Variants in PCDHA6 observed in about 807,000 individuals in gnomAD.
PCDHA6 encodes protocadherin alpha 6, also known as protocadherin alpha-6.
A neutral mutation model predicts 60.3 loss-of-function variants in PCDHA6; 55 were observed. The observed-to-expected ratio is 0.91, with a 90% CI of 0.73 to 1.14. The LOEUF is 1.14. Among genes scored for constraint, PCDHA6 ranks in the 50% most tolerant of loss-of-function variants. PCDHA6 has a pLI of 0.00. For synonymous variants in PCDHA6, 652 were observed against 557.9 expected, an observed-to-expected ratio of 1.17 and a Z score of -2.38; for missense variants, 1,327 against 1,256.5, an observed-to-expected ratio of 1.06 and a Z score of -0.85.
Position 140,842,669 on chromosome 5 carries a change from G to A in PCDHA6, c.2394+12184G>A, listed in dbSNP as rs1554139258. 2.5e-6 allele frequency: 4 copies of A among 1,595,384 alleles called. No homozygotes were observed. The highest frequency in any genetic ancestry group is 3.4e-5 in the Admixed American group (2 of 59,244). ...GTCTGTGGAGGTGGCCGACGTGAAC[G>A]ACAATGCTCCGGCGTTCGCGCAGCC... On this transcript the variant is annotated intron_variant, in intron 1 of 3. Transcript: ENST00000529310.
chr5:140,853,979 T>A, intron 1 of PCDHA6: 2 of 564,826 alleles, frequency 3.5e-6, no homozygotes, highest in Non-Finnish European at 4.6e-6. Flanking sequence ...TTGAGACCAA[T>A]GTAGTGAGAC....
intron 1 of PCDHA6, among the ~76,000 whole-genome samples, chr5:140,960,521 A>C (rs950989969): frequency 9.9e-5 from 15 of 152,162 alleles, no homozygotes; most frequent in Non-Finnish European, 1.5e-5. Context: ...CATAATGGGT[A>C]TAGGAAAGAG....
At chr5:140,840,962 C>T (rs188711112) in intron 1 of PCDHA6, among the ~76,000 whole-genome samples, 3 of 152,096 alleles carry the variant, frequency 2.0e-5, no homozygotes, top group African/African-American at 7.2e-5. Flanking sequence ...AAATTCCTTT[C>T]CTTATGAAGA....
Position 140,841,121 on chromosome 5 carries a change from A to T in PCDHA6, c.2394+10636A>T, listed in dbSNP as rs1777036212. The T allele has an allele frequency of 1.1e-5, 7 of 638,568 alleles. No individual in the cohort carries two copies. In the African/African-American group the frequency reaches 1.3e-4, roughly 12 times the overall value. 39.6% of individuals were successfully genotyped at this position (638,568 alleles called of 1,614,324 possible). A position where few individuals can be genotyped will look rare whatever the true frequency, so the allele number is the denominator to read the frequency against. The stretch of plus-strand genomic sequence containing the variant: ...TATTGCGGAAGTAATTCATGTAATC[A>T]TTACCTTTTGAAGCCACATGATGTC... On this transcript the variant is annotated intron_variant, in intron 1 of 3. Transcript: ENST00000529310.
At chr5:140,882,488 C>T in intron 1 of PCDHA6, 6 of 1,614,074 alleles carry the variant, frequency 3.7e-6, no homozygotes, top group South Asian at 1.1e-5. Context: ...ACACGGGGAC[C>T]TTCTGGAGGT....
chr5:140,902,488 G>T (rs1357036471), intron 1 of PCDHA6, among the ~76,000 whole-genome samples: 2 of 152,096 alleles, frequency 1.3e-5, no homozygotes, highest in African/African-American at 4.8e-5. Context: ...TGCTCAGTAT[G>T]ATACTAGCTG....
rs2150175434 is a variant in PCDHA6, at chr5:140,829,821, T to C, written c.1730T>C (p.Val577Ala). 2 of 1,613,858 alleles carry C rather than the reference T, an allele frequency of 1.2e-6. No homozygotes were observed. Among genetic ancestry groups the C allele is most frequent in the South Asian group, 2.2e-5 (2 of 91,074 alleles). Residue 577 changes from valine to alanine, a missense_variant, in exon 1 of 4, where the codon GTG (valine) becomes GCG (alanine). By Grantham distance (64) the Val-to-Ala change is moderately conservative (BLOSUM62 0). Transcript: ENST00000529310. ...APRVGGTGGA[V>A]SELVPRSLGA... ...CGGGTGGGTGGTACTGGTGGTGCAG[T>C]GAGCGAGCTGGTGCCGCGGTCACTG...
chr5:140,997,132 C>A (rs1189394609), intron 3 of PCDHA6, among the ~76,000 whole-genome samples: 1 of 152,076 alleles, frequency 6.6e-6, no homozygotes, highest in Non-Finnish European at 1.5e-5. Flanking sequence ...CACAATGCCC[C>A]CACACCCCCG....
At chr5:140,872,134 A>C (rs938546166) in intron 1 of PCDHA6, among the ~76,000 whole-genome samples, 1 of 152,112 alleles carries the variant, frequency 6.6e-6, no homozygotes, top group Non-Finnish European at 1.5e-5. Context: ...CAAAGCTAGA[A>C]TACTCCATTA....
chr5:140,930,092 A>G (rs1554207604), intron 1 of PCDHA6: 1 of 152,204 alleles, frequency 6.6e-6, no homozygotes, highest in East Asian at 1.9e-4. Context: ...ACATCTATTT[A>G]TACTGATAGG....
intron 3 of PCDHA6, among the ~76,000 whole-genome samples, chr5:140,999,859 C>T (rs2153959609): frequency 6.6e-6 from 1 of 152,256 alleles, no homozygotes; most frequent in South Asian, 2.1e-4. Context: ...TCTTCCGCTC[C>T]AAGATTACTG....
intron 1 of PCDHA6, chr5:140,875,985 G>C (rs1351463699): frequency 1.8e-5 from 29 of 1,613,832 alleles, no homozygotes; most frequent in Non-Finnish European, 2.3e-5. Context: ...TGACCTATGC[G>C]TTAAGTCTAA....
chr5:140,848,322 C>T, intron 1 of PCDHA6: 1 of 771,738 alleles, frequency 1.3e-6, no homozygotes, highest in Non-Finnish European at 2.1e-6. Flanking sequence ...CCGCGATGTT[C>T]TCTCTGAATC....
intron 1 of PCDHA6, among the ~76,000 whole-genome samples, chr5:140,889,104 T>C (rs2062103050): frequency 6.6e-6 from 1 of 151,956 alleles, no homozygotes; most frequent in Admixed American, 6.6e-5. Flanking sequence ...TTTTTCATCT[T>C]TATTCCAGGT....
intron 1 of PCDHA6, chr5:140,930,423 A>C (rs1366004853): frequency 6.6e-6 from 1 of 151,862 alleles, no homozygotes; most frequent in Non-Finnish European, 1.5e-5. Flanking sequence ...GGGTCTCACT[A>C]TGTTGCCCAG....
At position 140,829,534 on chromosome 5, in the gene PCDHA6, C is replaced by T. The variant is rs550072556; in HGVS notation, c.1443C>T (p.Asp481=). The T allele has an allele frequency of 6.2e-7, 1 of 1,613,076 alleles. No homozygotes were observed. Among genetic ancestry groups the T allele is most frequent in the Non-Finnish European group, 8.5e-7 (1 of 1,179,884 alleles). The change falls in exon 1 of 4, where the codon GAC becomes GAT. Residue 481 remains aspartate, a synonymous_variant. Coordinates refer to ENST00000529310, the MANE Select transcript of PCDHA6 (RefSeq NM_018909.4). ...GCHIFTVSAR[D]ADAQENALVS... is the part of the protein sequence containing the mutation. Reference sequence around the variant, plus strand: ...ACATCTTCACGGTGTCTGCGCGAGACGCGGACGCGCAGGAGAACGCGCTGG... The same window carrying T: ...ACATCTTCACGGTGTCTGCGCGAGATGCGGACGCGCAGGAGAACGCGCTGG...
At position 140,953,880 on chromosome 5, in the gene PCDHA6, C is replaced by T. The variant is rs56350351; in HGVS notation, c.2395-25069C>T. On this transcript the variant is annotated intron_variant, in intron 1 of 3. Coordinates refer to ENST00000529310, the MANE Select transcript of PCDHA6 (RefSeq NM_018909.4). ...TGGTGGTTTGCTGCACAGATCAACCCATCACCTAGGTATTAAGCCCAGCAT... is the reference window on the plus strand; with the variant it reads ...TGGTGGTTTGCTGCACAGATCAACCTATCACCTAGGTATTAAGCCCAGCAT... Among the ~76,000 whole-genome samples, 609 of 152,246 alleles carry T rather than the reference C, an allele frequency of 4.0e-3. 7 individuals are homozygous for T. Among genetic ancestry groups the T allele is most frequent in the African/African-American group, 0.014 (577 of 41,548 alleles).
chr5:140,883,508 G>C (rs939760233), intron 1 of PCDHA6: 19 of 1,614,202 alleles, frequency 1.2e-5, no homozygotes, highest in Non-Finnish European at 1.5e-5. Flanking sequence ...CAGCGCCCTG[G>C]ACCGCGAGAG....
At chr5:140,985,391 C>T (rs2097149590) in intron 3 of PCDHA6, among the ~76,000 whole-genome samples, 1 of 152,136 alleles carries the variant, frequency 6.6e-6, no homozygotes, top group Non-Finnish European at 1.5e-5. Context: ...TCCAGTCACC[C>T]CAACTGTTCC....
Sources: allele counts gnomAD v4.1 joint callset (sites outside exome capture counted in the v4.1 genomes callset), GRCh38; gene constraint gnomAD v4.1.1; transcripts MANE v1.5; gene names NCBI Gene and HGNC (gene_info 2026-07-23, HGNC 2026-07-21).